Variants in RTN4 observed in about 807,000 individuals in gnomAD.
RTN4 encodes reticulon-4.
A neutral mutation model predicts 90.4 loss-of-function variants in RTN4; 32 were observed. That is an observed-to-expected ratio of 0.35 (90% CI 0.27 to 0.48). The LOEUF is 0.48. RTN4 is among the 20% of genes least tolerant of loss of function. RTN4 has a pLI of 0.99. For missense variants in RTN4, 1,706 were observed against 1,430.2 expected, an observed-to-expected ratio of 1.19 and a Z score of -3.11; for synonymous variants, 629 against 552.5, an observed-to-expected ratio of 1.14 and a Z score of -1.94.
At chr2:54,981,516 G>A (rs1000237964) in intron 5 of RTN4, among the ~76,000 whole-genome samples, 2 of 152,184 alleles carry the variant, frequency 1.3e-5, no homozygotes, top group Admixed American at 6.5e-5. Flanking sequence ...GTTTTCTGCA[G>A]AGTCACAGGA....
rs185710552 is a variant in RTN4, at chr2:54,980,037, G to A, written c.3360+2478C>T. Among the ~76,000 whole-genome samples the A allele has an allele frequency of 8.4e-3, 1,283 of 152,206 alleles. 12 individuals are homozygous for A. Among genetic ancestry groups the A allele is most frequent in the South Asian group, 0.026 (127 of 4,816 alleles). ...TAAGAAACAACAAGTGTTCCAGAAA[G>A]GAAATCTGTCTCATCATGTGTTACT... On this transcript the variant is annotated intron_variant, in intron 5 of 8. Coordinates refer to ENST00000337526, the MANE Select transcript of RTN4 (RefSeq NM_020532.5).
chr2:55,127,396 T>C, the RTN4 span, among the ~76,000 whole-genome samples: 2 of 152,216 alleles, frequency 1.3e-5, no homozygotes, highest in Admixed American at 1.3e-4. Flanking sequence ...TGAACACTGG[T>C]TCTTCTCCAA....
At chr2:55,020,522 A>T (rs1681350385) in intron 3 of RTN4, among the ~76,000 whole-genome samples, 1 of 152,182 alleles carries the variant, frequency 6.6e-6, no homozygotes, top group Non-Finnish European at 1.5e-5. Context: ...CAATAGTAAG[A>T]ATATAGTTTG....
At chr2:55,039,936 C>T (rs756161146) in intron 1 of RTN4, among the ~76,000 whole-genome samples, 1 of 151,988 alleles carries the variant, frequency 6.6e-6, no homozygotes, top group Non-Finnish European at 1.5e-5. Flanking sequence ...TAACCATATC[C>T]CCTGCAACAT....
upstream of RTN4, among the ~76,000 whole-genome samples, chr2:55,054,646 G>A (rs969649350): frequency 1.3e-5 from 2 of 152,202 alleles, no homozygotes; most frequent in South Asian, 2.1e-4. Flanking sequence ...GAGTGGGTTC[G>A]GTAAGAGAAG....
intron 1 of RTN4, among the ~76,000 whole-genome samples, chr2:55,031,572 G>A (rs188484637): frequency 1.1e-3 from 173 of 152,294 alleles, no homozygotes; most frequent in African/African-American, 4.1e-3. Flanking sequence ...TTATATCGAA[G>A]GTCAGAAAGT....
At chr2:55,113,415 G>A (rs1176561228), upstream of RTN4, among the ~76,000 whole-genome samples, 3 of 152,166 alleles carry the variant, frequency 2.0e-5, no homozygotes, top group Admixed American at 1.3e-4. Context: ...TCTCAGGTGA[G>A]ACTATGACTA....
Position 55,027,433 on chromosome 2 carries a change from C to T in RTN4, c.666G>A (p.Glu222=). The T allele has an allele frequency of 6.2e-7, 1 of 1,613,222 alleles. No homozygotes were observed. Among genetic ancestry groups the T allele is most frequent in the Non-Finnish European group, 8.5e-7 (1 of 1,179,574 alleles). The part of the protein sequence containing the change: ...QPGNTISAGQ[E]DFPSVLLETA... Reference sequence around the variant, plus strand: ...TTTCAAGCAGGACAGATGGGAAATCCTCTTGACCAGCCGAAATAGTGTTAC... The same window carrying T: ...TTTCAAGCAGGACAGATGGGAAATCTTCTTGACCAGCCGAAATAGTGTTAC... Residue 222 remains glutamate (E), a synonymous_variant, in exon 3 of 9, where the codon GAG becomes GAA. Coordinates refer to ENST00000337526, the MANE Select transcript of RTN4 (RefSeq NM_020532.5).
chr2:55,093,254 G>T (rs1199983839), intron 1 of RTN4, among the ~76,000 whole-genome samples: 1 of 151,940 alleles, frequency 6.6e-6, no homozygotes, highest in East Asian at 1.9e-4. Context: ...CAGTTTTTGT[G>T]GTTGAAATGC....
At chr2:55,001,363 C>T (rs6760429) in intron 3 of RTN4, among the ~76,000 whole-genome samples, 100,152 of 152,078 alleles carry the variant, frequency 0.66, 33,821 homozygotes, top group African/African-American at 0.82. Flanking sequence ...AAAAAATATG[C>T]GTCTCTAGCT....
chr2:54,999,423 C>T (rs1362196725), intron 3 of RTN4, among the ~76,000 whole-genome samples: 1 of 152,126 alleles, frequency 6.6e-6, no homozygotes, highest in Non-Finnish European at 1.5e-5. Flanking sequence ...CTTCTTTGAA[C>T]AGCCCGAAGT....
chr2:55,055,110 A>G (rs564509618), upstream of RTN4, among the ~76,000 whole-genome samples: 6 of 152,152 alleles, frequency 3.9e-5, no homozygotes, highest in Non-Finnish European at 8.8e-5. Flanking sequence ...TTTCTCCTTT[A>G]ACTGTTTTCG....
intron 1 of RTN4, among the ~76,000 whole-genome samples, chr2:55,094,336 T>G (rs1397331118): frequency 6.6e-6 from 1 of 152,198 alleles, no homozygotes; most frequent in Non-Finnish European, 1.5e-5. Context: ...AGGAAATACA[T>G]GTTTGTTGTT....
At chr2:55,010,286 G>A (rs886484546) in intron 3 of RTN4, 9 of 1,464,990 alleles carry the variant, frequency 6.1e-6, no homozygotes, top group African/African-American at 1.4e-5. Context: ...GTCACCTGAC[G>A]TCTTCTGGGT....
At chr2:55,088,963 G>A (rs1324702507) in intron 1 of RTN4, among the ~76,000 whole-genome samples, 4 of 152,054 alleles carry the variant, frequency 2.6e-5, no homozygotes, top group African/African-American at 7.2e-5. Flanking sequence ...ATGGAGTCTC[G>A]TTCTTGTTGC....
intron 4 of RTN4, among the ~76,000 whole-genome samples, chr2:54,986,277 G>C (rs1160751131): frequency 2.0e-5 from 3 of 152,096 alleles, no homozygotes; most frequent in African/African-American, 7.2e-5. Context: ...GAAGTAATCC[G>C]AGGTAACTAC....
chr2:55,098,423 C>A (rs763771379), intron 1 of RTN4, among the ~76,000 whole-genome samples: 16 of 151,934 alleles, frequency 1.1e-4, no homozygotes, highest in Non-Finnish European at 2.2e-4. Flanking sequence ...TAATAATAAA[C>A]CTCCAAATAC....
intron 1 of RTN4, among the ~76,000 whole-genome samples, chr2:55,109,803 T>G (rs994077081): frequency 6.6e-6 from 1 of 152,102 alleles, no homozygotes; most frequent in East Asian, 1.9e-4. Flanking sequence ...AAATATGCCC[T>G]AAATATTTGA....
At chr2:55,027,706 T>C (rs934930531) in intron 2 of RTN4, among the ~76,000 whole-genome samples, 2 of 152,202 alleles carry the variant, frequency 1.3e-5, no homozygotes, top group Admixed American at 1.3e-4. Context: ...GGCAATTACA[T>C]GCTGTGCAAA....
Sources: allele counts gnomAD v4.1 joint callset (sites outside exome capture counted in the v4.1 genomes callset), GRCh38; gene constraint gnomAD v4.1.1; transcripts MANE v1.5; gene names NCBI Gene and HGNC (gene_info 2026-07-23, HGNC 2026-07-21).